The following CSGALNACT1 variants were observed in gnomAD, a reference collection of about 807,000 sequenced individuals.
CSGALNACT1 encodes the protein beta4GalNAcT-1.
Under a neutral mutation model 51.0 loss-of-function variants are expected in CSGALNACT1, and 52 were observed. The ratio of observed to expected loss-of-function variants is 1.02; its 90% CI spans 0.82 to 1.29. The LOEUF (loss-of-function observed/expected upper bound fraction) is 1.29. Among genes scored for constraint, CSGALNACT1 ranks in the 50% most tolerant of loss-of-function variants. The probability of loss-of-function intolerance (pLI) is 0.00; values close to 1 mark genes in which losing one functional copy is unlikely to be tolerated. For synonymous variants in CSGALNACT1, 341 were observed against 254.4 expected (o/e 1.34, Z -3.24); for missense variants, 935 against 679.2 (o/e 1.38, Z -4.19).
upstream of CSGALNACT1, among the ~76,000 whole-genome samples, chr8:19,606,364 A>C (rs2051366802): frequency 1.3e-5 from 2 of 152,214 alleles, no homozygotes; most frequent in African/African-American, 4.8e-5. Flanking sequence ...TAGGGTCAGG[A>C]ACTATACAGA....
intron 3 of CSGALNACT1, among the ~76,000 whole-genome samples, chr8:19,544,259 C>T (rs553943822): frequency 6.6e-6 from 1 of 152,256 alleles, no homozygotes; most frequent in South Asian, 2.1e-4. Flanking sequence ...GCCACCACCA[C>T]TGAGACCACA....
At chr8:19,498,520 C>T (rs1326618476) in intron 4 of CSGALNACT1, among the ~76,000 whole-genome samples, 2 of 152,184 alleles carry the variant, frequency 1.3e-5, no homozygotes, top group East Asian at 1.9e-4. Flanking sequence ...GCAGCAGCTT[C>T]AACTCACGGA....
intron 1 of CSGALNACT1, among the ~76,000 whole-genome samples, chr8:19,740,851 G>C (rs2064268064): frequency 6.6e-6 from 1 of 152,164 alleles, no homozygotes; most frequent in Admixed American, 6.5e-5. Flanking sequence ...CTTATGGATA[G>C]TTATTTGCTT....
chr8:19,596,483 G>C (rs2048927880), intron 2 of CSGALNACT1, among the ~76,000 whole-genome samples: 1 of 151,612 alleles, frequency 6.6e-6, no homozygotes, highest in South Asian at 2.1e-4. Flanking sequence ...TATCATACAA[G>C]TATTTCTGAT....
chr8:19,586,436 C>G, intron 3 of CSGALNACT1, among the ~76,000 whole-genome samples: 1 of 150,788 alleles, frequency 6.6e-6, no homozygotes, highest in Non-Finnish European at 1.5e-5. Context: ...AGAAGAAGAA[C>G]TTAGACAACT....
At chr8:19,448,966 G>C (rs915755002) in intron 5 of CSGALNACT1, among the ~76,000 whole-genome samples, 15 of 152,224 alleles carry the variant, frequency 9.9e-5, no homozygotes, top group African/African-American at 3.6e-4. Flanking sequence ...TTTAAAATCA[G>C]TATTCTTCCT....
At chr8:19,667,861 C>A (rs2059504640) in intron 1 of CSGALNACT1, among the ~76,000 whole-genome samples, 1 of 152,092 alleles carries the variant, frequency 6.6e-6, no homozygotes, top group African/African-American at 2.4e-5. Context: ...TCTGATAAAG[C>A]ATATAAAAAA....
intron 1 of CSGALNACT1, among the ~76,000 whole-genome samples, chr8:19,654,037 T>C (rs1251944970): frequency 6.6e-6 from 1 of 152,150 alleles, no homozygotes; most frequent in Non-Finnish European, 1.5e-5. Context: ...AGTCCAAAGC[T>C]GATCCTGCAA....
At chr8:19,641,517 A>C (rs764673790) in intron 1 of CSGALNACT1, among the ~76,000 whole-genome samples, 2 of 152,144 alleles carry the variant, frequency 1.3e-5, no homozygotes, top group African/African-American at 4.8e-5. Flanking sequence ...AACTCCATTA[A>C]AACAAGATGT....
At chr8:19,672,645 C>G (rs995963326) in intron 1 of CSGALNACT1, among the ~76,000 whole-genome samples, 5 of 152,118 alleles carry the variant, frequency 3.3e-5, no homozygotes, top group African/African-American at 7.2e-5. Flanking sequence ...TATATAATGC[C>G]TTACACTGGT....
At chr8:19,660,856 A>G (rs2058689958) in intron 1 of CSGALNACT1, among the ~76,000 whole-genome samples, 1 of 152,088 alleles carries the variant, frequency 6.6e-6, no homozygotes, top group Non-Finnish European at 1.5e-5. Flanking sequence ...GTACATTCCC[A>G]AAACCTCCAG....
upstream of CSGALNACT1, among the ~76,000 whole-genome samples, chr8:19,687,135 G>A (rs186890238): frequency 1.3e-5 from 2 of 152,160 alleles, no homozygotes; most frequent in East Asian, 1.9e-4. Flanking sequence ...TGCACAGTAT[G>A]AGAGTGTATT....
intron 8 of CSGALNACT1, among the ~76,000 whole-genome samples, chr8:19,416,554 T>C (rs1282079854): frequency 2.6e-5 from 4 of 152,246 alleles, no homozygotes; most frequent in African/African-American, 7.2e-5. Flanking sequence ...ATTCTAGTCC[T>C]GTATTACAAG....
chr8:19,537,383 C>A (rs1457121487), intron 3 of CSGALNACT1, among the ~76,000 whole-genome samples: 5 of 152,166 alleles, frequency 3.3e-5, no homozygotes, highest in Non-Finnish European at 5.9e-5. Flanking sequence ...AAACTCCACC[C>A]TTCGATTATG....
intron 1 of CSGALNACT1, among the ~76,000 whole-genome samples, chr8:19,721,109 C>A (rs2063103981): frequency 6.6e-6 from 1 of 152,250 alleles, no homozygotes; most frequent in Non-Finnish European, 1.5e-5. Context: ...AATTCAGTCA[C>A]CTTGAAATGT....
intron 2 of CSGALNACT1, among the ~76,000 whole-genome samples, chr8:19,597,057 C>T (rs776589096): frequency 2.0e-5 from 3 of 152,112 alleles, no homozygotes; most frequent in African/African-American, 7.2e-5. Flanking sequence ...ATAAATGTGA[C>T]CACTCTAGGG....
rs1456141126 is a variant in CSGALNACT1 at position 19,651,921 on chromosome 8, TTTTG to T, written c.-544+30548_-544+30551del. On this transcript the variant is annotated intron_variant, in intron 1 of 9. Transcript: ENST00000332246. ...CTCTACAACCTCGCTGTCTGTTTTT[TTTTG>T]TTTTGTTTTGTTTTGACTTTTTTTA... Among the ~76,000 whole-genome samples, 40 of 111,372 alleles carry T rather than the reference TTTTG, an allele frequency of 3.6e-4. 1 individual carries two copies. The highest frequency in any genetic ancestry group is 1.3e-4 in the Non-Finnish European group (6 of 47,162). 73.1% of individuals were successfully genotyped at this position (111,372 alleles called of 152,430 possible).
chr8:19,660,949 GT>G (rs1389253687), intron 1 of CSGALNACT1, among the ~76,000 whole-genome samples: 3 of 152,184 alleles, frequency 2.0e-5, no homozygotes, highest in African/African-American at 7.2e-5. Context: ...GTCTTGCTCT[GT>G]CGCCCAGGCT....
chr8:19,406,006 A>T (rs1289170264), exon 10 of CSGALNACT1: 1 of 1,614,152 alleles, frequency 6.2e-7, no homozygotes, highest in South Asian at 1.1e-5. Context: ...GTTGCTGTGG[A>T]GATACTTGCG....
Sources: allele counts gnomAD v4.1 joint callset (sites outside exome capture counted in the v4.1 genomes callset), GRCh38; gene constraint gnomAD v4.1.1; transcripts MANE v1.5; gene names NCBI Gene and HGNC (gene_info 2026-07-23, HGNC 2026-07-21).